The following BRI3BP variants were observed in gnomAD, a reference collection of about 807,000 sequenced individuals.
BRI3BP encodes BRI3-binding protein.
Under a neutral mutation model 15.8 loss-of-function variants are expected in BRI3BP, and 7 were observed. That is an observed-to-expected ratio of 0.44 (90% confidence interval 0.25 to 0.83). The LOEUF (loss-of-function observed/expected upper bound fraction) is 0.83. BRI3BP is among the 40% of genes least tolerant of loss of function. The pLI is 0.20. For missense variants in BRI3BP, 320 were observed against 339.3 expected, an observed-to-expected ratio of 0.94 and a Z score of 0.45; for synonymous variants, 192 against 163.5, an observed-to-expected ratio of 1.17 and a Z score of -1.33.
chr12:125,029,323 G>A lies in BRI3BP; in HGVS notation c.*3893G>A, dbSNP rs1477997585. The A allele has an allele frequency of 1.4e-5, 2 of 139,308 alleles. No individual in the cohort carries two copies. The highest frequency in any genetic ancestry group is 3.0e-5 in the Non-Finnish European group (2 of 66,158). 8.6% of individuals were successfully genotyped at this position (139,308 alleles called of 1,614,324 possible). On this transcript the variant is annotated 3_prime_UTR_variant, in exon 3 of 3. Transcript: ENST00000341446. ...GCGGTCGGGAGTTCGAGACCAGCCT[G>A]GCCAACATAGTGAAATCCCGTCTCT...
In BRI3BP at chr12:125,025,455, C is replaced by T. The variant is rs181788991; in HGVS notation, c.*25C>T. Reference sequence around the variant, plus strand: ...AAGGTCAGCCGGCCGGGCGGGTCCACAGTTACCAGCACGCTGTCTCAGAAA... The same window carrying T: ...AAGGTCAGCCGGCCGGGCGGGTCCATAGTTACCAGCACGCTGTCTCAGAAA... On this transcript the variant is annotated 3_prime_UTR_variant, in exon 3 of 3. Transcript: ENST00000341446. 2.6e-6 allele frequency: 4 copies of T among 1,540,050 alleles called. No individual in the cohort carries two copies. The highest frequency in any genetic ancestry group is 2.4e-5 in the South Asian group (2 of 81,848).
chr12:125,012,826 C>T (rs144126994), intron 2 of BRI3BP, among the ~76,000 whole-genome samples, 190 bp downstream of exon 2: 2 of 152,084 alleles, frequency 1.3e-5, no homozygotes, highest in African/African-American at 4.8e-5. Flanking sequence ...GCCTGTAATC[C>T]CAGCACTTTG....
At position 124,993,953 on chromosome 12, in the gene BRI3BP, C is replaced by A; in HGVS notation, c.163C>A (p.Gln55Lys). Residue 55 changes from glutamine (Q) to lysine (K), a missense_variant, in exon 1 of 3, where the codon CAG becomes AAG. Physicochemically the swap from Gln to Lys is moderately conservative, Grantham distance 53. Transcript: ENST00000341446. ...CCGCCGCACGGTCAACACCTTCTCCCAGAGCGTCAGCAGCCTGTTCGGCGA... is the reference window on the plus strand; with the variant it reads ...CCGCCGCACGGTCAACACCTTCTCCAAGAGCGTCAGCAGCCTGTTCGGCGA... ...SYRRTVNTFS[Q>K]SVSSLFGEDN... The A allele has an allele frequency of 2.2e-6, 3 of 1,369,904 alleles. No homozygotes were observed. Among genetic ancestry groups the A allele is most frequent in the East Asian group, 3.1e-5 (1 of 32,306 alleles). The allele number at this position is 1,369,904 out of a possible 1,614,324, so 84.9% of individuals were successfully genotyped here.
downstream of BRI3BP, among the ~76,000 whole-genome samples, chr12:125,032,101 G>A (rs1439449827): frequency 1.3e-5 from 2 of 152,144 alleles, no homozygotes; most frequent in Non-Finnish European, 2.9e-5. Context: ...CAGTAACAGC[G>A]TGGGGTGAGA....
the BRI3BP span, among the ~76,000 whole-genome samples, chr12:125,037,172 G>T: frequency 6.6e-6 from 1 of 152,300 alleles, no homozygotes; most frequent in Admixed American, 6.5e-5. Context: ...TGATTCTCCG[G>T]CCTCAGCCTC....
chr12:125,047,750 G>A, the BRI3BP span, among the ~76,000 whole-genome samples: 9 of 152,166 alleles, frequency 5.9e-5, no homozygotes, highest in Non-Finnish European at 1.3e-4. Flanking sequence ...AGGCTGCGGT[G>A]CAGTGGCGCA....
intron 1 of BRI3BP, among the ~76,000 whole-genome samples, chr12:125,009,619 TGGG>T (rs60019848): frequency 0.26 from 37,999 of 148,052 alleles, 4,867 homozygotes; most frequent in Non-Finnish European, 0.27. Context: ...AAATTAGAGA[TGGG>T]GGGGGGGTCT....
the BRI3BP span, among the ~76,000 whole-genome samples, chr12:125,037,692 A>G: frequency 6.6e-6 from 1 of 151,902 alleles, no homozygotes; most frequent in African/African-American, 2.4e-5. Flanking sequence ...TGCGCCTGTA[A>G]TCCCAACTAC....
chr12:125,048,589 T>C, the BRI3BP span, among the ~76,000 whole-genome samples: 5 of 151,896 alleles, frequency 3.3e-5, no homozygotes, highest in African/African-American at 1.2e-4. Flanking sequence ...TTAGGAGATA[T>C]ACCTAATGCT....
chr12:125,027,270 AG>A lies in BRI3BP; in HGVS notation c.*1842del, dbSNP rs1369137609. ...GAGACTTTTGAGACTTCTGTTTCTA[AG>A]GTACACATGATGGGACCCAAACTCT... On this transcript the variant is annotated 3_prime_UTR_variant, in exon 3 of 3. Coordinates refer to ENST00000341446, the MANE Select transcript of BRI3BP (RefSeq NM_080626.6). The A allele has an allele frequency of 1.3e-5, 2 of 152,126 alleles. No individual in the cohort carries two copies. The highest frequency in any genetic ancestry group is 2.4e-5 in the African/African-American group (1 of 41,426). 9.4% of individuals were successfully genotyped at this position (152,126 alleles called of 1,614,324 possible). A position where few individuals can be genotyped will look rare whatever the true frequency, so the allele number is the denominator to read the frequency against.
chr12:125,022,906 G>C (rs1429218170), intron 2 of BRI3BP, among the ~76,000 whole-genome samples: 4 of 152,190 alleles, frequency 2.6e-5, no homozygotes, highest in African/African-American at 9.7e-5. Context: ...GAAGTATGAT[G>C]TGTACATCTT....
chr12:125,024,849 C>T (rs1455682650), intron 2 of BRI3BP, 142 bp from the exon 3 acceptor site: 1 of 701,754 alleles, frequency 1.4e-6, no homozygotes. Flanking sequence ...TGTGACTATT[C>T]ACAGAGGAAC....
In BRI3BP at chr12:125,026,951, TAAA is replaced by T. The variant is rs34513244; in HGVS notation, c.*1535_*1537del. 2.3e-5 allele frequency: 3 copies of T among 129,276 alleles called. No individual in the cohort carries two copies. Among genetic ancestry groups the T allele is most frequent in the Non-Finnish European group, 3.3e-5 (2 of 59,966 alleles). 8.0% of individuals were successfully genotyped at this position (129,276 alleles called of 1,614,324 possible). ...TAGGCAACAGAGCAAGACTTCATCT[TAAA>T]AAAAAAAAAAAAAGCCCAGCATTTT... On this transcript the variant is annotated 3_prime_UTR_variant, in exon 3 of 3. Transcript: ENST00000341446.
At position 125,029,127 on chromosome 12, in the gene BRI3BP, G is replaced by T. The variant is rs1278969108; in HGVS notation, c.*3697G>T. 6.6e-6 allele frequency: 1 copy of T among 152,060 alleles called. No homozygotes were observed. Among genetic ancestry groups the T allele is most frequent in the Non-Finnish European group, 1.5e-5 (1 of 68,004 alleles). 9.4% of individuals were successfully genotyped at this position (152,060 alleles called of 1,614,324 possible). ...GAAAAGGACCAGCCCTCTCTAGATTGCTGGAATTGTATGGATGTGTTGGGG... is the reference window on the plus strand; with the variant it reads ...GAAAAGGACCAGCCCTCTCTAGATTTCTGGAATTGTATGGATGTGTTGGGG... On this transcript the variant is annotated 3_prime_UTR_variant, in exon 3 of 3. Coordinates refer to ENST00000341446, the MANE Select transcript of BRI3BP (RefSeq NM_080626.6).
At position 124,996,207 on chromosome 12, in the gene BRI3BP, C is replaced by T. The variant is rs757769229; in HGVS notation, c.213+2204C>T. 2.0e-5 allele frequency among the ~76,000 whole-genome samples: 3 copies of T among 152,056 alleles called. No individual in the cohort carries two copies. In the East Asian group the frequency reaches 5.8e-4, roughly 29 times the overall value. On this transcript the variant is annotated intron_variant, in intron 1 of 2. Coordinates refer to ENST00000341446, the MANE Select transcript of BRI3BP (RefSeq NM_080626.6). Reference sequence around the variant, plus strand: ...GGGATTACAGGTGTGAGCCATTGCACCTGGCCTGACTTATTTTATTTCCTG... The same window carrying T: ...GGGATTACAGGTGTGAGCCATTGCATCTGGCCTGACTTATTTTATTTCCTG...
In BRI3BP at chr12:124,993,815, C is replaced by T. The variant is rs1955015763; in HGVS notation, c.25C>T (p.Pro9Ser). ...CATGGGCGCGCGCGCCTCAGGCGGG[C>T]CCCTGGCCCGGGCCGGGCTCCTGCT... MGARASGG[P>S]LARAGLLLLL... is the part of the protein sequence containing the mutation. Residue 9 changes from proline (P) to serine (S), a missense_variant, in exon 1 of 3, where the codon CCC becomes TCC. Coordinates refer to ENST00000341446, the MANE Select transcript of BRI3BP (RefSeq NM_080626.6). 2 of 1,110,744 alleles carry T rather than the reference C, an allele frequency of 1.8e-6. No individual in the cohort carries two copies. The highest frequency in any genetic ancestry group is 5.2e-5 in the Admixed American group (1 of 19,206). 68.8% of individuals were successfully genotyped at this position (1,110,744 alleles called of 1,614,324 possible).
intron 1 of BRI3BP, among the ~76,000 whole-genome samples, chr12:125,007,378 T>C (rs1171875039): frequency 1.3e-5 from 2 of 152,088 alleles, no homozygotes; most frequent in African/African-American, 4.8e-5. Context: ...AGGAAAACCC[T>C]GTCTCTACTA....
At chr12:125,006,841 AG>A (rs1251429809) in intron 1 of BRI3BP, among the ~76,000 whole-genome samples, 1 of 152,184 alleles carries the variant, frequency 6.6e-6, no homozygotes, top group African/African-American at 2.4e-5. Flanking sequence ...GGCATTTTAA[AG>A]GCCTGCTACT....
At chr12:125,011,483 G>T (rs1166468847) in intron 1 of BRI3BP, among the ~76,000 whole-genome samples, 1 of 152,152 alleles carries the variant, frequency 6.6e-6, no homozygotes, top group Non-Finnish European at 1.5e-5. Flanking sequence ...AGCTCTGTGT[G>T]GTCTGAGTGT....
Sources: allele counts gnomAD v4.1 joint callset (sites outside exome capture counted in the v4.1 genomes callset), GRCh38; gene constraint gnomAD v4.1.1; transcripts MANE v1.5; gene names NCBI Gene and HGNC (gene_info 2026-07-23, HGNC 2026-07-21).